LMBRD1: variants seen among roughly 807,000 people sequenced by gnomAD.
LMBRD1 encodes the protein lysosomal cobalamin transport escort protein LMBD1.
Under a neutral mutation model 74.8 loss-of-function variants are expected in LMBRD1, and 64 were observed. That is an observed-to-expected ratio of 0.86 (90% confidence interval 0.70 to 1.05). The LOEUF is 1.05. LMBRD1 is among the 50% of genes least tolerant of loss of function. LMBRD1 has a pLI of 0.00. For synonymous variants in LMBRD1, 204 were observed against 216.3 expected (o/e 0.94, Z 0.50); for missense variants, 652 against 645.9 (o/e 1.01, Z -0.10).
intron 14 of LMBRD1, among the ~76,000 whole-genome samples, chr6:69,678,154 G>C (rs1191847401): frequency 6.6e-6 from 1 of 152,038 alleles, no homozygotes; most frequent in Non-Finnish European, 1.5e-5. Context: ...CACATATTTT[G>C]TATGTTATGT....
chr6:69,757,388 C>G (rs1275313322), intron 3 of LMBRD1, among the ~76,000 whole-genome samples: 4 of 152,170 alleles, frequency 2.6e-5, no homozygotes, highest in Admixed American at 2.6e-4. Flanking sequence ...AAGTGGAGAA[C>G]AGACACAATT....
intron 3 of LMBRD1, among the ~76,000 whole-genome samples, chr6:69,771,321 T>C (rs1345549607): frequency 6.6e-6 from 1 of 152,186 alleles, no homozygotes; most frequent in African/African-American, 2.4e-5. Context: ...GAGGCCGCTA[T>C]CAGTTCCTTG....
Position 69,774,216 on chromosome 6 carries a change from C to T in LMBRD1, c.307+6278G>A, listed in dbSNP as rs543778530. 2.6e-5 allele frequency among the ~76,000 whole-genome samples: 4 copies of T among 152,316 alleles called. No individual in the cohort carries two copies. The East Asian group carries it at 7.7e-4, about 29-fold the overall frequency. On this transcript the variant is annotated intron_variant, in intron 3 of 15. Coordinates refer to ENST00000649934, the MANE Select transcript of LMBRD1 (RefSeq NM_018368.4). Reference sequence around the variant, plus strand: ...TTTTACATAAAGGGGAGTTCCCCTGCACATGCTCTTGCCTGCCACCATGTT... The same window carrying T: ...TTTTACATAAAGGGGAGTTCCCCTGTACATGCTCTTGCCTGCCACCATGTT...
chr6:69,686,153 T>A (rs1360139377), intron 14 of LMBRD1, among the ~76,000 whole-genome samples: 1 of 152,188 alleles, frequency 6.6e-6, no homozygotes, highest in Non-Finnish European at 1.5e-5. Flanking sequence ...GTTTATACTA[T>A]CTTCCCCAAG....
intron 1 of LMBRD1, among the ~76,000 whole-genome samples, chr6:69,794,906 T>C (rs893815547): frequency 2.0e-5 from 3 of 152,212 alleles, no homozygotes; most frequent in Non-Finnish European, 4.4e-5. Flanking sequence ...GGCTAATGGA[T>C]TTTAATGTAA....
At chr6:69,741,698 T>A in intron 6 of LMBRD1, 91 bp downstream of exon 6, 1 of 807,846 alleles carries the variant, frequency 1.2e-6, no homozygotes, top group Non-Finnish European at 2.1e-6. Flanking sequence ...TGGGGTTAAA[T>A]TCTTAACAAA....
chr6:69,713,854 A>G (rs1766436632), intron 8 of LMBRD1, 57 bp from the exon 9 acceptor site: 1 of 1,577,996 alleles, frequency 6.3e-7, no homozygotes. Flanking sequence ...TAAAGTACCC[A>G]GCAGATTTAG....
intron 7 of LMBRD1, among the ~76,000 whole-genome samples, chr6:69,735,443 TA>T (rs11290967): frequency 0.56 from 80,555 of 144,510 alleles, 21,753 homozygotes; most frequent in Middle Eastern, 0.64. Flanking sequence ...GAAAACAACA[TA>T]AAAAAAAAAA....
intron 3 of LMBRD1, among the ~76,000 whole-genome samples, chr6:69,770,315 G>C (rs898949745): frequency 4.3e-4 from 66 of 152,220 alleles, no homozygotes; most frequent in African/African-American, 1.5e-3. Context: ...GGAAGTTGGG[G>C]GTAGGGAAAC....
At chr6:69,688,385 A>T (rs1765809143) in intron 14 of LMBRD1, among the ~76,000 whole-genome samples, 1 of 150,196 alleles carries the variant, frequency 6.7e-6, no homozygotes, top group African/African-American at 2.4e-5. Flanking sequence ...TCACAGGCCA[A>T]AGTTTGAAGG....
intron 7 of LMBRD1, among the ~76,000 whole-genome samples, chr6:69,727,371 C>T (rs1413166241): frequency 6.6e-6 from 1 of 152,152 alleles, no homozygotes; most frequent in Non-Finnish European, 1.5e-5. Context: ...TTCCAAGGAA[C>T]ATTTCTTTTG....
At chr6:69,689,615 G>C (rs1765835237) in intron 14 of LMBRD1, among the ~76,000 whole-genome samples, 1 of 152,072 alleles carries the variant, frequency 6.6e-6, no homozygotes, top group African/African-American at 2.4e-5. Context: ...ACCATCAAGA[G>C]TGAGATTTTC....
At chr6:69,756,080 T>A (rs1765260900) in intron 3 of LMBRD1, among the ~76,000 whole-genome samples, 1 of 152,042 alleles carries the variant, frequency 6.6e-6, no homozygotes, top group Non-Finnish European at 1.5e-5. Context: ...ATACACAATT[T>A]CTGGGCATGG....
At position 69,771,795 on chromosome 6, in the gene LMBRD1, C is replaced by G. The variant is rs569934769; in HGVS notation, c.307+8699G>C. Among the ~76,000 whole-genome samples the G allele has an allele frequency of 1.1e-3, 169 of 151,892 alleles. 1 individual carries two copies. In the South Asian group the frequency reaches 0.016, roughly 15 times the overall value. On this transcript the variant is annotated intron_variant, in intron 3 of 15. Transcript: ENST00000649934. The stretch of plus-strand genomic sequence containing the variant: ...AGAATCACTCTGACTGCTATATTGT[C>G]AGTAAAACAAGGGTGGAAAAGACAG...
intron 7 of LMBRD1, among the ~76,000 whole-genome samples, chr6:69,736,829 A>T (rs1384420422): frequency 6.6e-6 from 1 of 152,196 alleles, no homozygotes; most frequent in Non-Finnish European, 1.5e-5. Context: ...TCTAATTCCT[A>T]ATTTGTTATT....
At chr6:69,701,827 C>CA in intron 10 of LMBRD1, 62 bp downstream of exon 10, 5 of 1,186,248 alleles carry the variant, frequency 4.2e-6, no homozygotes, top group Non-Finnish European at 6.3e-6. Context: ...CATTCAGCAA[C>CA]AAAATGTATA....
intron 8 of LMBRD1, among the ~76,000 whole-genome samples, chr6:69,715,876 T>C (rs1766478148): frequency 6.6e-6 from 1 of 152,116 alleles, no homozygotes; most frequent in Non-Finnish European, 1.5e-5. Context: ...CAGTATTAGA[T>C]TTTCTGTTCA....
At chr6:69,692,099 T>C (rs1765897453) in intron 14 of LMBRD1, among the ~76,000 whole-genome samples, 2 of 152,212 alleles carry the variant, frequency 1.3e-5, no homozygotes, top group Admixed American at 1.3e-4. Context: ...TATATAATTA[T>C]AAGCCTGCTT....
chr6:69,689,982 C>G (rs888893698), intron 14 of LMBRD1, among the ~76,000 whole-genome samples: 1 of 151,966 alleles, frequency 6.6e-6, no homozygotes, highest in Non-Finnish European at 1.5e-5. Context: ...CCAAAATCCA[C>G]GGATACTCAA....
Sources: gnomAD v4.1 joint callset for allele counts (sites outside exome capture counted in the v4.1 genomes callset) on GRCh38, gnomAD v4.1.1 for gene constraint, MANE v1.5 for transcripts, NCBI Gene and HGNC (gene_info 2026-07-23, HGNC 2026-07-21) for gene names.